ITPR1: variants seen among roughly 807,000 people sequenced by gnomAD.
The protein encoded by ITPR1 is inositol 1,4,5-trisphosphate receptor type 1.
In ITPR1, 96 loss-of-function variants were observed where a neutral mutation model predicts 318.4. The ratio of observed to expected loss-of-function variants is 0.30; its 90% CI spans 0.26 to 0.36. ITPR1 has a LOEUF of 0.36. Ranked by LOEUF, ITPR1 falls within the 10% of genes least tolerant of loss-of-function variation. ITPR1 has a pLI of 1.00. For missense variants in ITPR1, 2,440 were observed against 3,460.2 expected (o/e 0.71, Z 7.40); for synonymous variants, 1,312 against 1,289.9 (o/e 1.02, Z -0.37).
At chr3:4,711,723 C>A (rs747530191) in intron 38 of ITPR1, 34 bp from the exon 39 acceptor site, 14 of 1,143,542 alleles carry the variant, frequency 1.2e-5, no homozygotes. Flanking sequence ...AAATTAGCTT[C>A]AAGGAAGTAA....
rs116380340 is a variant in ITPR1, at chr3:4,497,605, G to A, written c.-17+3099G>A. ...GAAATTAGATCCCTTGTGCATTGCC[G>A]GTGGGAATGTAAAATGGTGAAGCTG... On this transcript the variant is annotated intron_variant, in intron 2 of 61. Transcript: ENST00000649015. Among the ~76,000 whole-genome samples the A allele has an allele frequency of 8.3e-3, 1,270 of 152,256 alleles. 13 individuals carry two copies. The highest frequency in any genetic ancestry group is 0.029 in the African/African-American group (1,202 of 41,536).
chr3:4,551,400 T>A lies in ITPR1; in HGVS notation c.163+30306T>A, dbSNP rs145939570. Among the ~76,000 whole-genome samples, 17 of 152,356 alleles carry A rather than the reference T, an allele frequency of 1.1e-4. No homozygotes were observed. In the East Asian group the frequency reaches 3.1e-3, roughly 28 times the overall value. On this transcript the variant is annotated intron_variant, in intron 4 of 61. Coordinates refer to ENST00000649015, the MANE Select transcript of ITPR1 (RefSeq NM_001378452.1). ...ATGAAGCGATTCAGAAATGTGTCCT[T>A]ATGAAAATACTGTCTTCTGATAGCT...
intron 4 of ITPR1, among the ~76,000 whole-genome samples, chr3:4,591,609 TC>T (rs2090405049): frequency 6.6e-6 from 1 of 152,254 alleles, no homozygotes; most frequent in Non-Finnish European, 1.5e-5. Context: ...CTGACTATTT[TC>T]CTGAAGAAAC....
rs745457761 is a variant in ITPR1 at position 4,735,292 on chromosome 3, G to C, written c.5482G>C (p.Val1828Leu). Residue 1828 changes from valine (V) to leucine (L), a missense_variant, in exon 44 of 62, where the codon GTG becomes CTG. Val to Leu is a conservative substitution (Grantham distance 32, BLOSUM62 1). Transcript: ENST00000649015. ...DLIMNASSDR[V>L]FHESILLAIA... The stretch of plus-strand genomic sequence containing the variant: ...CATCATGAACGCATCCAGTGACCGA[G>C]TGTTCCATGAAAGCATTCTCCTGGC... The C allele has an allele frequency of 6.2e-7, 1 of 1,613,982 alleles. No homozygotes were observed. Among genetic ancestry groups the C allele is most frequent in the Non-Finnish European group, 8.5e-7 (1 of 1,179,864 alleles).
rs146514594 is a variant in ITPR1, at chr3:4,635,380, G to A, written c.280-4004G>A. On this transcript the variant is annotated intron_variant, in intron 5 of 61. Coordinates refer to ENST00000649015, the MANE Select transcript of ITPR1 (RefSeq NM_001378452.1). ...GGTGGGGACGGAGTCTCACTCTGTC[G>A]CCCAGGCTGCAGTGCAGTGGCACGA... 4.0e-3 allele frequency among the ~76,000 whole-genome samples: 614 copies of A among 152,040 alleles called. 5 individuals are homozygous for A. The highest frequency in any genetic ancestry group is 0.014 in the African/African-American group (580 of 41,492).
intron 53 of ITPR1, among the ~76,000 whole-genome samples, chr3:4,799,639 TG>T (rs922670072): frequency 2.0e-5 from 3 of 151,966 alleles, no homozygotes; most frequent in African/African-American, 7.2e-5. Flanking sequence ...GAAATAGGGG[TG>T]TTTTTTTTTT....
chr3:4,733,469 T>C (rs2043069129), intron 43 of ITPR1, among the ~76,000 whole-genome samples: 1 of 152,148 alleles, frequency 6.6e-6, no homozygotes, highest in Non-Finnish European at 1.5e-5. Flanking sequence ...GCAGTGACCA[T>C]CTTGGTGATG....
chr3:4,836,332 G>A (rs1320145958), intron 60 of ITPR1, among the ~76,000 whole-genome samples: 10 of 152,108 alleles, frequency 6.6e-5, no homozygotes, highest in Admixed American at 5.2e-4. Context: ...CAGATGATGG[G>A]GATGGTTGCA....
chr3:4,650,571 T>A (rs937512463), intron 10 of ITPR1, among the ~76,000 whole-genome samples: 1 of 151,722 alleles, frequency 6.6e-6, no homozygotes, highest in Admixed American at 6.6e-5. Flanking sequence ...TCTTTTTTAT[T>A]TCTAGTTTAC....
At chr3:4,750,685 A>G (rs373490061) in intron 44 of ITPR1, 1 of 151,276 alleles carries the variant, frequency 6.6e-6, no homozygotes, top group Non-Finnish European at 1.5e-5. Context: ...CTGTCTCTCA[A>G]AGATCTCACT....
intron 39 of ITPR1, among the ~76,000 whole-genome samples, chr3:4,717,040 G>A (rs544753342): frequency 3.3e-5 from 5 of 152,216 alleles, no homozygotes; most frequent in Non-Finnish European, 4.4e-5. Flanking sequence ...AAACATTGGG[G>A]AATTTGCCCT....
intron 4 of ITPR1, among the ~76,000 whole-genome samples, chr3:4,551,785 G>A (rs1054638183): frequency 6.6e-6 from 1 of 152,188 alleles, no homozygotes; most frequent in African/African-American, 2.4e-5. Context: ...CAGAGAAGTC[G>A]GCTTAAGTTA....
At chr3:4,584,469 G>A (rs1352744702) in intron 4 of ITPR1, among the ~76,000 whole-genome samples, 1 of 152,144 alleles carries the variant, frequency 6.6e-6, no homozygotes, top group African/African-American at 2.4e-5. Flanking sequence ...CTGATGAAAG[G>A]TGGGAACGGG....
rs773379542 is a variant in ITPR1, at chr3:4,779,677, C to CA, written c.6387+34dup. On this transcript the variant is annotated intron_variant, in intron 49 of 61. Transcript: ENST00000649015. The surrounding 1 kb of genome is among the most constrained non-coding windows in gnomAD (Gnocchi z 4.0). ...CGGGTGACGGATCTGATGGTAGCAC[C>CA]AAGGAGCATTGCGACGATATTTGGG... 6.9e-7 allele frequency: 1 copy of CA among 1,447,854 alleles called. No homozygotes were observed. Among genetic ancestry groups the CA allele is most frequent in the Non-Finnish European group, 9.7e-7 (1 of 1,030,292 alleles). 89.7% of individuals were successfully genotyped at this position (1,447,854 alleles called of 1,614,324 possible).
At position 4,536,078 on chromosome 3, in the gene ITPR1, G is replaced by A. The variant is rs113256980; in HGVS notation, c.163+14984G>A. On this transcript the variant is annotated intron_variant, in intron 4 of 61. Transcript: ENST00000649015. ...TGGCTTCCAGATTTTGTAATTTCAG[G>A]ACAAAGAGGTTTCTGGTCCTTCATT... is the stretch of plus-strand genomic sequence containing the variant. Among the ~76,000 whole-genome samples, 949 of 152,212 alleles carry A rather than the reference G, an allele frequency of 6.2e-3. 10 individuals carry two copies. Among genetic ancestry groups the A allele is most frequent in the African/African-American group, 0.022 (903 of 41,514 alleles).
Position 4,811,331 on chromosome 3 carries a change from C to T in ITPR1, c.7339C>T (p.Arg2447Trp), listed in dbSNP as rs2048928759. 1.2e-6 allele frequency: 2 copies of T among 1,613,268 alleles called. No homozygotes were observed. Among genetic ancestry groups the T allele is most frequent in the East Asian group, 2.2e-5 (1 of 44,878 alleles). ...CATTAAAAGTGTCACTCGCAATGGA[C>T]GGTCCATCATCCTGACAGCAGTTCT... ...NVIKSVTRNG[R>W]SIILTAVLAL... Residue 2447 changes from arginine (R) to tryptophan (W), a missense_variant, in exon 56 of 62, where the codon CGG (arginine) becomes TGG (tryptophan). Arg to Trp is a moderately radical substitution (Grantham distance 101). Coordinates refer to ENST00000649015, the MANE Select transcript of ITPR1 (RefSeq NM_001378452.1).
intron 17 of ITPR1, 63 bp downstream of exon 17, chr3:4,665,359 C>T (rs1345872010): frequency 1.3e-6 from 2 of 1,494,770 alleles, no homozygotes; most frequent in Non-Finnish European, 1.8e-6. Flanking sequence ...GTGAACTTTC[C>T]TCCTGAGTTT....
chr3:4,643,714 G>T (rs575330434), intron 7 of ITPR1, among the ~76,000 whole-genome samples: 3 of 151,932 alleles, frequency 2.0e-5, no homozygotes, highest in African/African-American at 4.8e-5. Context: ...ATGTATTTCC[G>T]AATGTTATAG....
intron 61 of ITPR1, among the ~76,000 whole-genome samples, chr3:4,844,748 AATTAAAAGCTTT>A (rs1209346851): frequency 6.6e-6 from 1 of 152,202 alleles, no homozygotes; most frequent in Non-Finnish European, 1.5e-5. Context: ...TCCAATTCTT[AATTAAAAGCTTT>A]ATTAAAAGCT....
Sources: gnomAD v4.1 joint callset for allele counts (sites outside exome capture counted in the v4.1 genomes callset) on GRCh38, gnomAD v4.1.1 for gene constraint, Gnocchi (gnomAD v3.1) non-coding constraint, MANE v1.5 for transcripts, NCBI Gene and HGNC (gene_info 2026-07-23, HGNC 2026-07-21) for gene names.